DACH1: variants seen among roughly 807,000 people sequenced by gnomAD.
The protein encoded by DACH1 is dachshund family transcription factor 1.
Under a neutral mutation model 54.2 loss-of-function variants are expected in DACH1, and 12 were observed. The observed-to-expected ratio is 0.22, with a 90% CI of 0.14 to 0.36. The LOEUF is 0.36. Among genes scored for constraint, DACH1 ranks in the 10% least tolerant of loss-of-function variants. The pLI, the probability that DACH1 is intolerant of heterozygous loss-of-function variation, is 1.00. For synonymous variants in DACH1, 386 were observed against 366.2 expected (o/e 1.05, Z -0.62); for missense variants, 805 against 929.8 (o/e 0.87, Z 1.75).
intron 1 of DACH1, among the ~76,000 whole-genome samples, chr13:71,737,640 T>G (rs867669198): frequency 2.6e-5 from 4 of 152,288 alleles, no homozygotes; most frequent in Middle Eastern, 3.4e-3. Flanking sequence ...GGGTTCTTTT[T>G]GCTGTTGTTG....
chr13:71,843,164 A>C (rs1039859395), intron 1 of DACH1, among the ~76,000 whole-genome samples: 4 of 152,166 alleles, frequency 2.6e-5, no homozygotes, highest in African/African-American at 9.7e-5. Flanking sequence ...TAAAAAGCAC[A>C]TTATGGAGAA....
chr13:71,816,392 G>A (rs1470226418), intron 1 of DACH1, among the ~76,000 whole-genome samples: 1 of 151,762 alleles, frequency 6.6e-6, no homozygotes, highest in East Asian at 1.9e-4. Context: ...TATACCATTT[G>A]ACCCAGCAAT....
chr13:71,686,380 C>T (rs1202579866), intron 1 of DACH1, among the ~76,000 whole-genome samples: 4 of 152,134 alleles, frequency 2.6e-5, no homozygotes, highest in Admixed American at 6.6e-5. Flanking sequence ...ATTCCCAACC[C>T]GCCACACACA....
chr13:71,554,692 G>C (rs1458176413), intron 6 of DACH1, among the ~76,000 whole-genome samples: 1 of 152,042 alleles, frequency 6.6e-6, no homozygotes, highest in Non-Finnish European at 1.5e-5. Flanking sequence ...AGACTGCCTT[G>C]TCTGTTTAAA....
chr13:71,706,883 G>GT (rs1882476429), intron 1 of DACH1, among the ~76,000 whole-genome samples: 1 of 152,078 alleles, frequency 6.6e-6, no homozygotes, highest in African/African-American at 2.4e-5. Context: ...TACAGTAAGA[G>GT]TTTACTGTCG....
chr13:71,609,835 A>C lies in DACH1; in HGVS notation c.1126+20721T>G, dbSNP rs1875177850. Among the ~76,000 whole-genome samples, 2 of 152,098 alleles carry C rather than the reference A, an allele frequency of 1.3e-5. 1 individual carries two copies. The highest frequency in any genetic ancestry group is 4.1e-4 in the South Asian group (2 of 4,834). ...AGCCACTGCGCCCAGCCAGAAGTTG[A>C]CTTTTTATCTTGATAAATATAAAAA... On this transcript the variant is annotated intron_variant, in intron 3 of 10. Coordinates refer to ENST00000613252, the MANE Select transcript of DACH1 (RefSeq NM_080759.6).
At chr13:71,753,543 C>G (rs755230196) in intron 1 of DACH1, among the ~76,000 whole-genome samples, 1 of 152,022 alleles carries the variant, frequency 6.6e-6, no homozygotes, top group Non-Finnish European at 1.5e-5. Context: ...ATATAAATAA[C>G]GAAGTTAGTA....
intron 6 of DACH1, among the ~76,000 whole-genome samples, chr13:71,519,902 T>TATATATATATATATATATATATATAC (rs1224663057): frequency 7.4e-6 from 1 of 135,350 alleles, no homozygotes; most frequent in Non-Finnish European, 1.6e-5. Context: ...TATATATATA[T>TATATATATATATATATATATATATAC]ATATATCCTA....
At chr13:71,804,342 T>C (rs1222057883) in intron 1 of DACH1, among the ~76,000 whole-genome samples, 1 of 152,074 alleles carries the variant, frequency 6.6e-6, no homozygotes, top group African/African-American at 2.4e-5. Context: ...CATGCTACTA[T>C]AGGAGACAGC....
At chr13:71,769,567 A>G (rs1317620513) in intron 1 of DACH1, among the ~76,000 whole-genome samples, 1 of 151,638 alleles carries the variant, frequency 6.6e-6, no homozygotes, top group Non-Finnish European at 1.5e-5. Flanking sequence ...TTTCTGAAAA[A>G]TAGTAGATTG....
At chr13:71,839,155 T>G (rs1164832151) in intron 1 of DACH1, among the ~76,000 whole-genome samples, 2 of 152,188 alleles carry the variant, frequency 1.3e-5, no homozygotes, top group East Asian at 3.8e-4. Context: ...TGAGAATTAT[T>G]AAGAATGCTT....
intron 8 of DACH1, 150 bp from the exon 9 acceptor site, chr13:71,475,999 C>T (rs894703009): frequency 7.3e-6 from 4 of 544,980 alleles, no homozygotes; most frequent in Non-Finnish European, 5.7e-6. Context: ...AAAATCTCCA[C>T]CTTTATCTAA....
chr13:71,651,250 C>T (rs939262782), intron 2 of DACH1, among the ~76,000 whole-genome samples: 4 of 151,748 alleles, frequency 2.6e-5, no homozygotes, highest in African/African-American at 9.7e-5. Flanking sequence ...GCCTGTAATC[C>T]CAGCACTTTG....
At chr13:71,629,729 T>C (rs1332751932) in intron 3 of DACH1, among the ~76,000 whole-genome samples, 2 of 152,174 alleles carry the variant, frequency 1.3e-5, no homozygotes, top group Non-Finnish European at 2.9e-5. Context: ...GGCTATAGTA[T>C]CTTGCATACA....
In DACH1 at chr13:71,866,560, G is replaced by T; in HGVS notation, c.210C>A (p.Val70=). 8.0e-7 allele frequency: 1 copy of T among 1,250,950 alleles called. No individual in the cohort carries two copies. The allele number at this position is 1,250,950 out of a possible 1,614,324, so 77.5% of individuals were successfully genotyped here. The part of the protein sequence containing the change: ...IASAAAAAAT[V]TSTGGGGGGG... ...CGCCGCCGCCGCCGCCGGTAGAGGTGACTGTGGCCGCCGCCGCCGCCGCCG... is the reference window on the plus strand; with the variant it reads ...CGCCGCCGCCGCCGCCGGTAGAGGTTACTGTGGCCGCCGCCGCCGCCGCCG... Residue 70 remains valine (V), a synonymous_variant, in exon 1 of 11, where the codon GTC becomes GTA. Coordinates refer to ENST00000613252, the MANE Select transcript of DACH1 (RefSeq NM_080759.6).
intron 3 of DACH1, among the ~76,000 whole-genome samples, chr13:71,597,363 C>T (rs903441035): frequency 6.6e-6 from 1 of 152,186 alleles, no homozygotes; most frequent in African/African-American, 2.4e-5. Context: ...AATAAGTATA[C>T]ATAATTTTTT....
chr13:71,702,045 A>G (rs1882162724), intron 1 of DACH1, among the ~76,000 whole-genome samples: 1 of 152,152 alleles, frequency 6.6e-6, no homozygotes, highest in South Asian at 2.1e-4. Context: ...ATAAATAAAT[A>G]AAGTATTTAA....
At chr13:71,514,048 T>C (rs1263419142) in intron 6 of DACH1, among the ~76,000 whole-genome samples, 3 of 152,058 alleles carry the variant, frequency 2.0e-5, no homozygotes, top group East Asian at 3.9e-4. Context: ...AGTGTCAATG[T>C]GGTATGAGAT....
chr13:71,849,845 T>C (rs1873544087), intron 1 of DACH1, among the ~76,000 whole-genome samples: 1 of 152,212 alleles, frequency 6.6e-6, no homozygotes, highest in South Asian at 2.1e-4. Context: ...CTAGCAGGTA[T>C]TTTTTGTTTA....
Sources: allele counts gnomAD v4.1 joint callset (sites outside exome capture counted in the v4.1 genomes callset), GRCh38; gene constraint gnomAD v4.1.1; transcripts MANE v1.5; gene names NCBI Gene and HGNC (gene_info 2026-07-23, HGNC 2026-07-21).